The following RAB7A variants were observed in gnomAD, a reference collection of about 807,000 sequenced individuals.
The protein encoded by RAB7A is RAB7A, member RAS oncogene family.
In RAB7A, 2 loss-of-function variants were observed where a neutral mutation model predicts 24.5. The observed-to-expected ratio is 0.08, with a 90% CI of 0.03 to 0.26. The LOEUF (loss-of-function observed/expected upper bound fraction) is 0.26, where lower values mean the gene tolerates loss of function less well. Ranked by LOEUF, RAB7A falls within the 10% of genes least tolerant of loss-of-function variation. The pLI is 1.00. For synonymous variants in RAB7A, 100 were observed against 95.9 expected (o/e 1.04, Z -0.25); for missense variants, 118 against 255.7 (o/e 0.46, Z 3.67).
intron 1 of RAB7A, among the ~76,000 whole-genome samples, chr3:128,735,542 T>C (rs942073670): frequency 1.3e-5 from 2 of 152,206 alleles, no homozygotes; most frequent in Non-Finnish European, 2.9e-5. Context: ...AACCATACAT[T>C]AAGAGCTTAG....
chr3:128,742,297 A>G (rs2070562762), intron 1 of RAB7A, among the ~76,000 whole-genome samples: 1 of 152,144 alleles, frequency 6.6e-6, no homozygotes, highest in Non-Finnish European at 1.5e-5. Context: ...TATAGCTCAT[A>G]AAGGCAGTGC....
At chr3:128,764,240 G>A (rs1161234565) in intron 1 of RAB7A, among the ~76,000 whole-genome samples, 1 of 151,338 alleles carries the variant, frequency 6.6e-6, no homozygotes, top group Non-Finnish European at 1.5e-5. Flanking sequence ...TGACAGCCTC[G>A]ACCACATACC....
intron 3 of RAB7A, among the ~76,000 whole-genome samples, chr3:128,803,916 A>T (rs575239009): frequency 2.0e-5 from 3 of 152,350 alleles, no homozygotes; most frequent in African/African-American, 7.2e-5. Context: ...TTATAAGGGT[A>T]TAATTTTAAA....
At chr3:128,795,624 A>G in intron 2 of RAB7A, among the ~76,000 whole-genome samples, 1 of 151,936 alleles carries the variant, frequency 6.6e-6, no homozygotes, top group Non-Finnish European at 1.5e-5. Flanking sequence ...TTTATGGGGA[A>G]CGGATGGCTA....
chr3:128,729,163 C>T (rs2070409283), intron 1 of RAB7A, among the ~76,000 whole-genome samples: 1 of 152,122 alleles, frequency 6.6e-6, no homozygotes. Context: ...TGTGTCTAAG[C>T]TCACCAACCC....
chr3:128,763,208 A>ATATATATATATATTTTT (rs373993932), intron 1 of RAB7A, among the ~76,000 whole-genome samples: 2 of 76,060 alleles, frequency 2.6e-5, no homozygotes, highest in Non-Finnish European at 2.2e-5. Flanking sequence ...ATATATATAT[A>ATATATATATATATTTTT]TTTTTTTTTT....
intron 1 of RAB7A, among the ~76,000 whole-genome samples, chr3:128,761,767 G>A (rs2070777428): frequency 6.6e-6 from 1 of 152,208 alleles, no homozygotes; most frequent in Admixed American, 6.5e-5. Flanking sequence ...TACAGGGACA[G>A]AGTGTGATTG....
intron 1 of RAB7A, among the ~76,000 whole-genome samples, chr3:128,742,683 C>T (rs915195616): frequency 6.7e-4 from 102 of 152,088 alleles, no homozygotes; most frequent in African/African-American, 2.3e-3. Flanking sequence ...CGTTTACAAA[C>T]CTTGAGCTAG....
intron 1 of RAB7A, among the ~76,000 whole-genome samples, chr3:128,775,959 A>G (rs915747071): frequency 1.3e-5 from 2 of 152,176 alleles, no homozygotes; most frequent in Admixed American, 6.5e-5. Flanking sequence ...ACTGTTATTA[A>G]TCATAGTCAC....
intron 5 of RAB7A, 62 bp from the exon 6 acceptor site, chr3:128,813,265 C>T (rs760895002): frequency 5.4e-6 from 8 of 1,490,306 alleles, no homozygotes; most frequent in Non-Finnish European, 7.5e-6. Flanking sequence ...AAAGTGCCCG[C>T]AATGAGGGCT....
rs756968558 is a variant in RAB7A at position 128,813,375 on chromosome 3, G to A, written c.577G>A (p.Asp193Asn). 5.0e-6 allele frequency: 8 copies of A among 1,614,080 alleles called. No individual in the cohort carries two copies. The highest frequency in any genetic ancestry group is 4.0e-5 in the African/African-American group (3 of 74,932). ...CGAATTTCCTGAACCTATCAAACTGGACAAGAATGACCGGGCCAAGGCCTC... is the reference window on the plus strand; with the variant it reads ...CGAATTTCCTGAACCTATCAAACTGAACAAGAATGACCGGGCCAAGGCCTC... ...YNEFPEPIKLDKNDRAKASAE... is the reference protein window; with the variant it reads ...YNEFPEPIKLNKNDRAKASAE... The change falls in exon 6 of 6, where the codon GAC (aspartate) becomes AAC (asparagine). Residue 193 changes from aspartate (D) to asparagine (N), a missense_variant. Asp to Asn is a conservative substitution (Grantham distance 23, BLOSUM62 1). This residue lies in a region of RAB7A where 66 missense variants were observed against 82.2 expected (regional missense o/e 0.80). Transcript: ENST00000265062.
chr3:128,771,155 A>G (rs1182881888), intron 1 of RAB7A, among the ~76,000 whole-genome samples: 4 of 152,112 alleles, frequency 2.6e-5, no homozygotes, highest in Non-Finnish European at 5.9e-5. Context: ...TTTCTGGTAG[A>G]GACGGGGTTT....
chr3:128,791,937 G>A (rs555403597), intron 1 of RAB7A, among the ~76,000 whole-genome samples: 55 of 152,222 alleles, frequency 3.6e-4, no homozygotes, highest in African/African-American at 1.3e-3. Flanking sequence ...TGCCACATGT[G>A]GCCTGTGATA....
At chr3:128,799,442 T>C (rs1203538443) in intron 3 of RAB7A, among the ~76,000 whole-genome samples, 1 of 152,176 alleles carries the variant, frequency 6.6e-6, no homozygotes, top group Admixed American at 6.5e-5. Context: ...CAAATACAAT[T>C]CTAATCCCAT....
At chr3:128,758,449 G>C (rs1331094848) in intron 1 of RAB7A, among the ~76,000 whole-genome samples, 2 of 149,570 alleles carry the variant, frequency 1.3e-5, no homozygotes, top group Non-Finnish European at 3.0e-5. Context: ...ATTTTTTTTT[G>C]TATTTTTAGT....
chr3:128,768,658 A>AGGT (rs2070855060), intron 1 of RAB7A, among the ~76,000 whole-genome samples: 1 of 151,900 alleles, frequency 6.6e-6, no homozygotes, highest in African/African-American at 2.4e-5. Context: ...TCCCAGGCTC[A>AGGT]GGTGATCCTT....
chr3:128,797,862 C>G (rs1288108048), intron 2 of RAB7A, 81 bp from the exon 3 acceptor site: 12 of 1,535,908 alleles, frequency 7.8e-6, no homozygotes, highest in Non-Finnish European at 1.1e-5. Flanking sequence ...CAGGCAGATT[C>G]TTTTAAATGC....
chr3:128,799,622 C>G (rs1933657197), intron 3 of RAB7A, among the ~76,000 whole-genome samples: 1 of 152,126 alleles, frequency 6.6e-6, no homozygotes, highest in Non-Finnish European at 1.5e-5. Flanking sequence ...GTATGAATCT[C>G]TCATCCTCAC....
chr3:128,786,068 C>T (rs1325366441), intron 1 of RAB7A, among the ~76,000 whole-genome samples: 1 of 152,160 alleles, frequency 6.6e-6, no homozygotes, highest in Non-Finnish European at 1.5e-5. Context: ...TGCCCCCTCC[C>T]CAGAATGAAT....
Sources: gnomAD v4.1 joint callset for allele counts (sites outside exome capture counted in the v4.1 genomes callset) on GRCh38, gnomAD v4.1.1 for gene constraint, gnomAD v4.1.1 regional missense constraint, MANE v1.5 for transcripts, NCBI Gene and HGNC (gene_info 2026-07-23, HGNC 2026-07-21) for gene names.